The following RAB27A variants were observed in gnomAD, a reference collection of about 807,000 sequenced individuals.
The protein encoded by RAB27A is RAB27A, member RAS oncogene family, also known as ras-related protein Rab-27A.
RAB27A carries 17 observed loss-of-function variants against 20.8 expected under a neutral mutation model. The observed-to-expected ratio is 0.82, with a 90% CI of 0.56 to 1.23. The LOEUF is 1.23. Among genes scored for constraint, RAB27A ranks in the 50% most tolerant of loss-of-function variants. The pLI, the probability that RAB27A is intolerant of heterozygous loss-of-function variation, is 0.00. For synonymous variants in RAB27A, 85 were observed against 92.8 expected, an observed-to-expected ratio of 0.92 and a Z score of 0.48; for missense variants, 277 against 266.7, an observed-to-expected ratio of 1.04 and a Z score of -0.27.
intron 2 of RAB27A, among the ~76,000 whole-genome samples, chr15:55,243,481 G>T (rs8027540): frequency 0.045 from 6,835 of 151,720 alleles, 539 homozygotes; most frequent in African/African-American, 0.16. Context: ...ATGGTGAAAC[G>T]CTGTCTCTAC....
At position 55,228,724 on chromosome 15, in the gene RAB27A, AAAGC is replaced by A. The variant is rs1449935879; in HGVS notation, c.240-16_240-13del. 6.3e-7 allele frequency: 1 copy of A among 1,586,490 alleles called. No individual in the cohort carries two copies. The highest frequency in any genetic ancestry group is 8.7e-7 in the Non-Finnish European group (1 of 1,154,844). ...TTAAGCTACGAAACCTAGGAACATA[AAAGC>A]AGAATGGTCAGTTAAACCACGGCCC... On this transcript the variant is annotated splice_polypyrimidine_tract_variant and intron_variant, in intron 4 of 6. Transcript: ENST00000336787.
intron 6 of RAB27A, among the ~76,000 whole-genome samples, chr15:55,207,617 G>A (rs533261263): frequency 1.3e-4 from 20 of 152,330 alleles, no homozygotes; most frequent in African/African-American, 4.6e-4. Context: ...CTAGCCACAT[G>A]TAGCTATTGA....
chr15:55,213,082 C>T (rs114911416), intron 6 of RAB27A, among the ~76,000 whole-genome samples: 1,576 of 152,310 alleles, frequency 0.01, 26 homozygotes, highest in African/African-American at 0.036. Context: ...TTTCCTTCAA[C>T]TGTTGACTTC....
chr15:55,256,035 G>A (rs891843639), intron 2 of RAB27A, among the ~76,000 whole-genome samples: 1 of 152,180 alleles, frequency 6.6e-6, no homozygotes, highest in African/African-American at 2.4e-5. Context: ...GGTACATTAT[G>A]TGAAATGCAT....
At chr15:55,257,877 C>T (rs538701828) in intron 2 of RAB27A, among the ~76,000 whole-genome samples, 126 of 152,158 alleles carry the variant, frequency 8.3e-4, no homozygotes, top group Admixed American at 1.0e-3. Flanking sequence ...CCTATAATCC[C>T]GGCTACTCAG....
intron 6 of RAB27A, among the ~76,000 whole-genome samples, chr15:55,209,995 T>C (rs1217030678): frequency 8.6e-6 from 1 of 115,956 alleles, no homozygotes; most frequent in African/African-American, 4.5e-5. Context: ...TATATACGCA[T>C]ATATGTGTGT....
chr15:55,294,649 C>T (rs1283150863), upstream of RAB27A, among the ~76,000 whole-genome samples: 1 of 145,142 alleles, frequency 6.9e-6, no homozygotes, highest in Non-Finnish European at 1.5e-5. Flanking sequence ...TTACCAATAC[C>T]ATATATAAAA....
At position 55,209,922 on chromosome 15, in the gene RAB27A, A is replaced by G. The variant is rs1205748532; in HGVS notation, c.468-4217T>C. ...CACATATGTGTGTGTATGTATATAC[A>G]CACATATATGTATGTACATGTACAC... On this transcript the variant is annotated intron_variant, in intron 6 of 6. Coordinates refer to ENST00000336787, the MANE Select transcript of RAB27A (RefSeq NM_183235.3). Among the ~76,000 whole-genome samples the G allele has an allele frequency of 3.6e-5, 3 of 83,040 alleles. 1 individual carries two copies. Among genetic ancestry groups the G allele is most frequent in the Admixed American group, 9.3e-5 (1 of 10,700 alleles). The allele number at this position is 83,040 out of a possible 152,430, so 54.5% of individuals were successfully genotyped here. A position where few individuals can be genotyped will look rare whatever the true frequency, so the allele number is the denominator to read the frequency against.
chr15:55,300,218 C>G lies in RAB27A; in HGVS notation c.-112+13821G>C, dbSNP rs552719658. 4.2e-4 allele frequency among the ~76,000 whole-genome samples: 64 copies of G among 152,172 alleles called. 1 individual carries two copies. The South Asian group carries it at 8.7e-3, about 21-fold the overall frequency. On this transcript the variant is annotated intron_variant, in intron 2 of 5. Transcript: ENST00000563262. ...GAACAAAAGGGCAACCTGCGTATGACTTACTCTCAAAAGATTCATGAAAAT... is the reference window on the plus strand; with the variant it reads ...GAACAAAAGGGCAACCTGCGTATGAGTTACTCTCAAAAGATTCATGAAAAT...
chr15:55,284,790 A>G (rs947495712), intron 1 of RAB27A, among the ~76,000 whole-genome samples: 5 of 152,226 alleles, frequency 3.3e-5, no homozygotes, highest in African/African-American at 9.6e-5. Flanking sequence ...CACTAACTCT[A>G]TGTGACTTTG....
intron 6 of RAB27A, among the ~76,000 whole-genome samples, chr15:55,205,951 C>G (rs570244649): frequency 6.6e-6 from 1 of 152,066 alleles, no homozygotes; most frequent in African/African-American, 2.4e-5. Flanking sequence ...CGCAGTGGCT[C>G]ACACCTCCCA....
chr15:55,302,704 T>C lies in RAB27A; in HGVS notation c.-112+11335A>G, dbSNP rs1433702734. 1.7e-3 allele frequency among the ~76,000 whole-genome samples: 178 copies of C among 106,572 alleles called. 2 individuals carry two copies. Among genetic ancestry groups the C allele is most frequent in the Non-Finnish European group, 2.6e-3 (147 of 56,640 alleles). 69.9% of individuals were successfully genotyped at this position (106,572 alleles called of 152,430 possible). A position where few individuals can be genotyped will look rare whatever the true frequency, so the allele number is the denominator to read the frequency against. On this transcript the variant is annotated intron_variant, in intron 2 of 5. Transcript: ENST00000563262. Reference sequence around the variant, plus strand: ...GCCCGGCCGCCCATCGTCTGAGATGTGGGGAGCGCCTCTGCCCCGCCGCCC... The same window carrying C: ...GCCCGGCCGCCCATCGTCTGAGATGCGGGGAGCGCCTCTGCCCCGCCGCCC...
chr15:55,209,295 C>G (rs1273123357), intron 6 of RAB27A, among the ~76,000 whole-genome samples: 1 of 152,088 alleles, frequency 6.6e-6, no homozygotes, highest in Non-Finnish European at 1.5e-5. Flanking sequence ...TCCTCCACTC[C>G]CTCCTACCCT....
At chr15:55,317,025 G>A (rs955839086) in intron 1 of RAB27A, among the ~76,000 whole-genome samples, 1 of 152,026 alleles carries the variant, frequency 6.6e-6, no homozygotes. Context: ...ACTGAGACTG[G>A]CACCCCATGA....
chr15:55,228,981 G>A (rs1298156808), intron 4 of RAB27A, among the ~76,000 whole-genome samples: 1 of 152,184 alleles, frequency 6.6e-6, no homozygotes, highest in Non-Finnish European at 1.5e-5. Flanking sequence ...ACAATTATGA[G>A]TTAATTTGGC....
At chr15:55,287,590 A>C (rs1019406125) in intron 1 of RAB27A, among the ~76,000 whole-genome samples, 7 of 151,896 alleles carry the variant, frequency 4.6e-5, no homozygotes, top group Non-Finnish European at 7.4e-5. Context: ...TCTACTAAAA[A>C]TATAAAATTA....
At chr15:55,222,938 C>G (rs764438421) in intron 6 of RAB27A, among the ~76,000 whole-genome samples, 1 of 152,186 alleles carries the variant, frequency 6.6e-6, no homozygotes, top group Admixed American at 6.5e-5. Context: ...ACCCTTAACA[C>G]TTTAATACTT....
chr15:55,215,169 C>A (rs1427528338), intron 6 of RAB27A, among the ~76,000 whole-genome samples: 1 of 152,178 alleles, frequency 6.6e-6, no homozygotes, highest in Non-Finnish European at 1.5e-5. Flanking sequence ...AAAATTCTCT[C>A]AAAATCAGTT....
chr15:55,257,790 C>A (rs4774757), intron 2 of RAB27A, among the ~76,000 whole-genome samples: 53,647 of 152,020 alleles, frequency 0.35, 9,952 homozygotes, highest in South Asian at 0.44. Context: ...GTCAAGAGAT[C>A]GAGACCAGCC....
Sources: allele counts gnomAD v4.1 joint callset (sites outside exome capture counted in the v4.1 genomes callset), GRCh38; gene constraint gnomAD v4.1.1; transcripts MANE v1.5; gene names NCBI Gene and HGNC (gene_info 2026-07-23, HGNC 2026-07-21).